Variants in KDM4B observed in about 807,000 individuals in gnomAD.
KDM4B encodes the protein lysine-specific demethylase 4B.
KDM4B carries 32 observed loss-of-function variants against 125.2 expected under a neutral mutation model. That is an observed-to-expected ratio of 0.26 (90% CI 0.19 to 0.34). The LOEUF is 0.34. Among genes scored for constraint, KDM4B ranks in the 10% least tolerant of loss-of-function variants. KDM4B has a pLI of 1.00. For missense variants in KDM4B, 1,190 were observed against 1,577.7 expected (o/e 0.75, Z 4.16); for synonymous variants, 721 against 677.9 (o/e 1.06, Z -0.99).
intron 11 of KDM4B, among the ~76,000 whole-genome samples, chr19:5,120,499 CAGG>C (rs1343747279): frequency 9.7e-6 from 1 of 102,764 alleles, no homozygotes; most frequent in East Asian, 1.1e-3. Context: ...GCTGGCAAGA[CAGG>C]GGGCAGCCGC....
intron 2 of KDM4B, among the ~76,000 whole-genome samples, chr19:5,025,717 C>T (rs2036257791): frequency 6.6e-6 from 1 of 152,210 alleles, no homozygotes; most frequent in African/African-American, 2.4e-5. Flanking sequence ...CTGGGTCCTT[C>T]CCTTTGCCTA....
chr19:5,079,104 C>T (rs1345004941), intron 8 of KDM4B: 1 of 152,210 alleles, frequency 6.6e-6, no homozygotes, highest in African/African-American at 2.4e-5. Flanking sequence ...ATGGTATTTA[C>T]TTCTAGGAGA....
At chr19:5,100,969 C>T (rs1226438432) in intron 9 of KDM4B, among the ~76,000 whole-genome samples, 1 of 152,108 alleles carries the variant, frequency 6.6e-6, no homozygotes, top group Admixed American at 6.5e-5. Flanking sequence ...ACCTGTGATT[C>T]CAGCACTTTG....
intron 9 of KDM4B, among the ~76,000 whole-genome samples, chr19:5,108,340 C>T (rs977372529): frequency 2.0e-5 from 3 of 152,226 alleles, no homozygotes; most frequent in African/African-American, 7.2e-5. Flanking sequence ...CCTGTGCTAT[C>T]TTTCATTAAA....
At chr19:5,011,946 C>T (rs2035741031) in intron 1 of KDM4B, among the ~76,000 whole-genome samples, 1 of 152,194 alleles carries the variant, frequency 6.6e-6, no homozygotes, top group African/African-American at 2.4e-5. Flanking sequence ...CGGAGGGGCT[C>T]ACAGAGCCAG....
chr19:5,144,067 A>G lies in KDM4B; in HGVS notation c.2651A>G (p.His884Arg), dbSNP rs746887067. 6.2e-7 allele frequency: 1 copy of G among 1,606,574 alleles called. No individual in the cohort carries two copies. The highest frequency in any genetic ancestry group is 1.3e-5 in the African/African-American group (1 of 74,712). The change falls in exon 19 of 23, where the codon CAC (histidine) becomes CGC (arginine). Residue 884 changes from histidine to arginine, a missense_variant. Coordinates refer to ENST00000159111, the MANE Select transcript of KDM4B (RefSeq NM_015015.3). ...ACGTCCTTCCACGTGACCTGCGCCC[A>G]CGCCGCAGGCGTGCTCATGGAGCCG... ...CSTSFHVTCA[H>R]AAGVLMEPDD...
intron 6 of KDM4B, among the ~76,000 whole-genome samples, chr19:5,059,453 C>A (rs1290047201): frequency 6.6e-6 from 1 of 152,246 alleles, no homozygotes; most frequent in African/African-American, 2.4e-5. Flanking sequence ...GCAGACTTAA[C>A]CCGTGTGTGA....
chr19:5,052,743 G>A (rs1374558410), intron 6 of KDM4B, among the ~76,000 whole-genome samples: 1 of 152,258 alleles, frequency 6.6e-6, no homozygotes, highest in Non-Finnish European at 1.5e-5. Context: ...GGTGGGTGAT[G>A]GAGCTGGCGA....
rs1333338049 is a variant in KDM4B at position 5,035,495 on chromosome 19, T to G, written c.141+2464T>G. 6.6e-6 allele frequency among the ~76,000 whole-genome samples: 1 copy of G among 152,062 alleles called. No individual in the cohort carries two copies. The highest frequency in any genetic ancestry group is 2.4e-5 in the African/African-American group (1 of 41,416). ...TCTCTCTGCCCTCCACGTGGCGGCC[T>G]TGGGTGCAGCCTGGGTTCCCGGGTG... On this transcript the variant is annotated intron_variant, in intron 3 of 22. Transcript: ENST00000159111. The surrounding 1 kb of genome is among the most constrained non-coding windows in gnomAD (Gnocchi z 5.3).
intron 17 of KDM4B, 109 bp from the exon 18 acceptor site, chr19:5,137,853 G>C: frequency 3.6e-6 from 4 of 1,108,274 alleles, no homozygotes; most frequent in Non-Finnish European, 5.2e-6. Context: ...CGACCTTCCT[G>C]AAGTTCCCCA....
intron 9 of KDM4B, among the ~76,000 whole-genome samples, chr19:5,103,930 G>A (rs1002570131): frequency 6.6e-6 from 1 of 152,232 alleles, no homozygotes; most frequent in Non-Finnish European, 1.5e-5. Flanking sequence ...TAGAACCAGG[G>A]CAGGCCAGCC....
chr19:5,083,095 G>A (rs931546915), intron 9 of KDM4B, among the ~76,000 whole-genome samples: 20 of 152,208 alleles, frequency 1.3e-4, no homozygotes, highest in African/African-American at 4.6e-4. Flanking sequence ...CTCACAGTGA[G>A]TGGCCCTTGC....
intron 9 of KDM4B, among the ~76,000 whole-genome samples, chr19:5,100,607 T>C (rs2038911657): frequency 1.3e-5 from 2 of 152,150 alleles, no homozygotes; most frequent in Non-Finnish European, 2.9e-5. Context: ...TTTGTAGAGA[T>C]GGGGTCTCGC....
intron 1 of KDM4B, among the ~76,000 whole-genome samples, chr19:4,980,672 C>T (rs1252315591): frequency 1.3e-5 from 2 of 152,140 alleles, no homozygotes; most frequent in Non-Finnish European, 2.9e-5. Context: ...AAGTCATCTG[C>T]CTGCCTCGGC....
In KDM4B at chr19:5,035,573, T is replaced by G. The variant is rs2036591802; in HGVS notation, c.141+2542T>G. Among the ~76,000 whole-genome samples, 1 of 151,984 alleles carries G rather than the reference T, an allele frequency of 6.6e-6. No individual in the cohort carries two copies. Among genetic ancestry groups the G allele is most frequent in the African/African-American group, 2.4e-5 (1 of 41,384 alleles). ...CGCTTCGTCCCTCCCTCCCTCTGCC[T>G]CCTTGGCTGCCGCCTCTTTGAGCCC... On this transcript the variant is annotated intron_variant, in intron 3 of 22. Transcript: ENST00000159111. The surrounding 1 kb of genome is among the most constrained non-coding windows in gnomAD (Gnocchi z 5.3).
chr19:5,098,141 G>A (rs2038863633), intron 9 of KDM4B, among the ~76,000 whole-genome samples: 1 of 152,232 alleles, frequency 6.6e-6, no homozygotes, highest in Admixed American at 6.5e-5. Flanking sequence ...TCAGTGTGTA[G>A]CCTCCGTGGC....
Position 5,119,752 on chromosome 19 carries a change from G to C in KDM4B, c.1215G>C (p.Gly405=). 2 of 1,548,872 alleles carry C rather than the reference G, an allele frequency of 1.3e-6. No individual in the cohort carries two copies. The highest frequency in any genetic ancestry group is 1.7e-6 in the Non-Finnish European group (2 of 1,146,152). The change falls in exon 11 of 23, where the codon GGG becomes GGC. Residue 405 remains glycine, a synonymous_variant. Transcript: ENST00000159111. The part of the protein sequence containing the change: ...TAGAALLEEA[G]GSVKEEAGPE... ...GGGCAGCGCTCCTAGAGGAGGCTGG[G>C]GGCAGCGTGAAGGAGGAGGCTGGGC...
intron 10 of KDM4B, chr19:5,112,652 C>T (rs1025063568): frequency 6.6e-6 from 1 of 152,300 alleles, no homozygotes; most frequent in South Asian, 2.1e-4. Flanking sequence ...TCTGGGACTC[C>T]TGGGCGGTCT....
chr19:5,131,404 G>A lies in KDM4B; in HGVS notation c.1644G>A (p.Gln548=). 6.2e-7 allele frequency: 1 copy of A among 1,611,622 alleles called. No individual in the cohort carries two copies. The highest frequency in any genetic ancestry group is 8.5e-7 in the Non-Finnish European group (1 of 1,179,730). Residue 548 remains glutamine (Q), a synonymous_variant, in exon 12 of 23, where the codon CAG becomes CAA. Transcript: ENST00000159111. ...TCAACCAGGAGCACGTGTCCTGCCA[G>A]CAGGCCTTTGAGCACTTTGCCCAGA... ...AAFNQEHVSC[Q]QAFEHFAQKG...
Sources: gnomAD v4.1 joint callset for allele counts (sites outside exome capture counted in the v4.1 genomes callset) on GRCh38, gnomAD v4.1.1 for gene constraint, Gnocchi (gnomAD v3.1) non-coding constraint, MANE v1.5 for transcripts, NCBI Gene and HGNC (gene_info 2026-07-23, HGNC 2026-07-21) for gene names.